The following POLR3F variants were observed in gnomAD, a reference collection of about 807,000 sequenced individuals.
POLR3F encodes DNA-directed RNA polymerase III subunit RPC6.
Under a neutral mutation model 43.6 loss-of-function variants are expected in POLR3F, and 31 were observed. The observed-to-expected ratio is 0.71, with a 90% CI of 0.53 to 0.96. The LOEUF is 0.96. POLR3F is among the 40% of genes least tolerant of loss of function. The pLI is 0.00. For synonymous variants in POLR3F, 114 were observed against 132.5 expected (o/e 0.86, Z 0.96); for missense variants, 316 against 391.7 (o/e 0.81, Z 1.63).
chr20:18,469,318 C>A, intron 2 of POLR3F: 1 of 371,100 alleles, frequency 2.7e-6, no homozygotes, highest in Non-Finnish European at 5.0e-6. Flanking sequence ...CTAAATAGAA[C>A]AAAGTGGCAG....
intron 5 of POLR3F, among the ~76,000 whole-genome samples, chr20:18,475,598 A>G (rs1309482664): frequency 1.3e-5 from 2 of 152,184 alleles, no homozygotes; most frequent in Non-Finnish European, 2.9e-5. Flanking sequence ...CTTCTCTTCT[A>G]GTACACGTGT....
chr20:18,468,556 C>T (rs2059720564), intron 1 of POLR3F, among the ~76,000 whole-genome samples: 1 of 152,110 alleles, frequency 6.6e-6, no homozygotes, highest in Non-Finnish European at 1.5e-5. Flanking sequence ...ATTGTCATAA[C>T]AAATTTTGGC....
intron 2 of POLR3F, among the ~76,000 whole-genome samples, 173 bp from the exon 3 acceptor site, chr20:18,472,669 A>G (rs2059759856): frequency 6.6e-6 from 1 of 152,068 alleles, no homozygotes; most frequent in Non-Finnish European, 1.5e-5. Flanking sequence ...TGATCATATA[A>G]CCAAGCCAAG....
In POLR3F at chr20:18,475,094, C is replaced by T; in HGVS notation, c.336C>T (p.Ile112=). The T allele has an allele frequency of 6.9e-7, 1 of 1,443,252 alleles. No homozygotes were observed. Among genetic ancestry groups the T allele is most frequent in the Non-Finnish European group, 9.7e-7 (1 of 1,027,186 alleles). The allele number at this position is 1,443,252 out of a possible 1,614,324, so 89.4% of individuals were successfully genotyped here. The change falls in exon 5 of 9, where the codon ATC becomes ATT. Residue 112 remains isoleucine, a synonymous_variant. Transcript: ENST00000377603. Reference sequence around the variant, plus strand: ...TTATAGGAATATGGAGCAGAGATATCCGCTATAAAAGTAATTTGCCATTAA... The same window carrying T: ...TTATAGGAATATGGAGCAGAGATATTCGCTATAAAAGTAATTTGCCATTAA... ...AGNKGIWSRD[I]RYKSNLPLTE...
At chr20:18,475,636 C>T (rs1218156926) in intron 5 of POLR3F, among the ~76,000 whole-genome samples, 3 of 152,164 alleles carry the variant, frequency 2.0e-5, no homozygotes, top group African/African-American at 7.2e-5. Context: ...TCCTGCCCCA[C>T]CCCTGCTCCA....
chr20:18,478,534 C>T (rs920722973), intron 5 of POLR3F, among the ~76,000 whole-genome samples: 24 of 152,038 alleles, frequency 1.6e-4, no homozygotes, highest in Non-Finnish European at 2.8e-4. Context: ...ATGTTTACAA[C>T]CCAGTGAAAT....
chr20:18,481,529 G>A, intron 7 of POLR3F, 90 bp from the exon 8 acceptor site: 2 of 880,664 alleles, frequency 2.3e-6, no homozygotes, highest in Non-Finnish European at 3.7e-6. Flanking sequence ...GTGAGCCACT[G>A]CGCCCAGCAA....
intron 4 of POLR3F, among the ~76,000 whole-genome samples, chr20:18,473,902 A>G (rs1001746817): frequency 6.6e-6 from 1 of 152,094 alleles, no homozygotes; most frequent in East Asian, 1.9e-4. Flanking sequence ...GCAGTGTCTT[A>G]ACAGATGTCC....
Position 18,480,179 on chromosome 20 carries a change from A to G in POLR3F, c.571A>G (p.Lys191Glu), listed in dbSNP as rs1462876619. Residue 191 changes from lysine (K) to glutamate (E), a missense_variant and splice_region_variant, in exon 6 of 9, where the codon AAG (lysine) becomes GAG (glutamate). This residue lies in a region of POLR3F where 109 missense variants were observed against 177.7 expected (regional missense o/e 0.61). Coordinates refer to ENST00000377603, the MANE Select transcript of POLR3F (RefSeq NM_006466.4). ...NQQCFKFLQS[K>E]AETARESKQN... ...ACAGTGTTTTAAATTCCTACAGTCCAAGGTGAGGTATGATTGAGGAAACAT... is the reference window on the plus strand; with the variant it reads ...ACAGTGTTTTAAATTCCTACAGTCCGAGGTGAGGTATGATTGAGGAAACAT... The G allele has an allele frequency of 1.2e-6, 2 of 1,610,546 alleles. No homozygotes were observed. Among genetic ancestry groups the G allele is most frequent in the Admixed American group, 1.7e-5 (1 of 59,506 alleles).
At chr20:18,472,755 A>C in intron 2 of POLR3F, 87 bp from the exon 3 acceptor site, 1 of 664,918 alleles carries the variant, frequency 1.5e-6, no homozygotes, top group East Asian at 2.8e-5. Context: ...AAAATTAAGA[A>C]TGTTAAAGAA....
intron 5 of POLR3F, among the ~76,000 whole-genome samples, chr20:18,479,108 T>C (rs995907113): frequency 3.3e-5 from 5 of 150,672 alleles, no homozygotes; most frequent in Non-Finnish European, 7.4e-5. Flanking sequence ...TCGTGTGCCA[T>C]TGCACTCCAG....
intron 6 of POLR3F, 21 bp from the exon 7 acceptor site, chr20:18,480,381 C>T (rs753719314): frequency 8.6e-6 from 13 of 1,506,672 alleles, no homozygotes; most frequent in African/African-American, 1.4e-5. Flanking sequence ...ATTTACATTT[C>T]TTATGTTTCA....
At chr20:18,474,937 A>T in intron 4 of POLR3F, 138 bp from the exon 5 acceptor site, 3 of 505,054 alleles carry the variant, frequency 5.9e-6, no homozygotes, top group Admixed American at 3.8e-5. Flanking sequence ...ATTGTTTAGC[A>T]TACTTTTGCT....
chr20:18,482,443 T>C (rs2059815865), intron 8 of POLR3F, among the ~76,000 whole-genome samples: 1 of 152,226 alleles, frequency 6.6e-6, no homozygotes, highest in African/African-American at 2.4e-5. Context: ...AGATATGTCC[T>C]TGATGATTTC....
At chr20:18,472,752 A>C (rs1017230087) in intron 2 of POLR3F, 90 bp from the exon 3 acceptor site, 10 of 650,512 alleles carry the variant, frequency 1.5e-5, no homozygotes, top group Non-Finnish European at 2.7e-5. Context: ...TGAAAAATTA[A>C]GAATGTTAAA....
chr20:18,473,490 C>T, intron 4 of POLR3F, 32 bp downstream of exon 4: 1 of 1,133,396 alleles, frequency 8.8e-7, no homozygotes. Flanking sequence ...CAGAAAAAAA[C>T]ATTGTCTTTG....
intron 5 of POLR3F, 109 bp downstream of exon 5, chr20:18,475,296 A>G: frequency 1.8e-6 from 1 of 548,246 alleles, no homozygotes; most frequent in East Asian, 3.2e-5. Flanking sequence ...TTAAAAATTT[A>G]GCTCATGTTG....
intron 2 of POLR3F, among the ~76,000 whole-genome samples, chr20:18,470,129 C>T (rs894780642): frequency 4.6e-5 from 7 of 152,232 alleles, no homozygotes; most frequent in Admixed American, 1.3e-4. Flanking sequence ...TACTTTCCCT[C>T]ATCACCAAAA....
At chr20:18,483,195 G>GC (rs1233232928) in intron 8 of POLR3F, among the ~76,000 whole-genome samples, 20 of 151,996 alleles carry the variant, frequency 1.3e-4, no homozygotes, top group Non-Finnish European at 2.8e-4. Flanking sequence ...CTCCCGAGTA[G>GC]CTGGGATTAC....
Sources: allele counts gnomAD v4.1 joint callset (sites outside exome capture counted in the v4.1 genomes callset), GRCh38; gene constraint gnomAD v4.1.1; regional missense constraint gnomAD v4.1.1; transcripts MANE v1.5; gene names NCBI Gene and HGNC (gene_info 2026-07-23, HGNC 2026-07-21).